The following KIF18B variants were observed in gnomAD, a reference collection of about 807,000 sequenced individuals.
KIF18B encodes kinesin-like protein KIF18B.
A neutral mutation model predicts 80.9 loss-of-function variants in KIF18B; 49 were observed. That is an observed-to-expected ratio of 0.61 (90% CI 0.48 to 0.77). KIF18B has a LOEUF of 0.77. Ranked by LOEUF, KIF18B falls within the 30% of genes least tolerant of loss-of-function variation. KIF18B has a pLI of 0.00. For synonymous variants in KIF18B, 439 were observed against 463.9 expected, an observed-to-expected ratio of 0.95 and a Z score of 0.69; for missense variants, 994 against 1,127.7, an observed-to-expected ratio of 0.88 and a Z score of 1.70.
chr17:44,935,906 C>G, intron 2 of KIF18B, 126 bp downstream of exon 2: 1 of 807,446 alleles, frequency 1.2e-6, no homozygotes, highest in Non-Finnish European at 2.0e-6. Flanking sequence ...GGACATTGTA[C>G]AAAACTCCTT....
chr17:44,945,192 C>T (rs1022738188), intron 1 of KIF18B, among the ~76,000 whole-genome samples: 1 of 152,202 alleles, frequency 6.6e-6, no homozygotes, highest in East Asian at 1.9e-4. Context: ...TCCTGAGTAG[C>T]TGGGAATCAC....
intron 1 of KIF18B, among the ~76,000 whole-genome samples, chr17:44,945,673 G>A (rs565136368): frequency 1.2e-4 from 19 of 152,148 alleles, no homozygotes; most frequent in Non-Finnish European, 2.2e-4. Context: ...GGGAGACCGA[G>A]GTGGGTGGAT....
At chr17:44,931,408 T>C (rs1437139686) in intron 11 of KIF18B, among the ~76,000 whole-genome samples, 194 bp downstream of exon 11, 2 of 152,222 alleles carry the variant, frequency 1.3e-5, no homozygotes, top group Admixed American at 6.5e-5. Context: ...CAGCCAGCTA[T>C]GTAGAGGAAT....
chr17:44,936,450 CA>C (rs2052295029), intron 1 of KIF18B, 92 bp from the exon 2 acceptor site: 3 of 1,033,754 alleles, frequency 2.9e-6, no homozygotes, highest in Non-Finnish European at 2.8e-6. Context: ...CACCCACTCC[CA>C]ATGACTGGTC....
rs1175562520 is a variant in KIF18B, at chr17:44,928,923, T to C, written c.1619A>G (p.Gln540Arg). 1.7e-5 allele frequency: 28 copies of C among 1,613,870 alleles called. No individual in the cohort carries two copies. The highest frequency in any genetic ancestry group is 2.7e-5 in the African/African-American group (2 of 74,914). Residue 540 changes from glutamine to arginine, a missense_variant, in exon 12 of 16, where the codon CAG (glutamine) becomes CGG (arginine). Transcript: ENST00000593135. ...PDMITEFETL[Q>R]QLVQEEKIEP... The stretch of plus-strand genomic sequence containing the variant: ...AATTTTTTCCTCTTGCACCAGCTGC[T>C]GTAGGGTCTCAAACTCTGTGATCAT...
chr17:44,932,560 G>C (rs986217774), intron 9 of KIF18B, 113 bp downstream of exon 9: 2 of 720,110 alleles, frequency 2.8e-6, no homozygotes, highest in Non-Finnish European at 4.9e-6. Flanking sequence ...CTTAACCCTA[G>C]GGATTGGAGC....
At chr17:44,926,302 G>T (rs1310442395) in intron 15 of KIF18B, 112 bp downstream of exon 15, 1 of 1,567,234 alleles carries the variant, frequency 6.4e-7, no homozygotes, top group Non-Finnish European at 8.6e-7. Context: ...TGAGATGCTT[G>T]GCAATACCCT....
chr17:44,937,522 T>A (rs1267129340), intron 1 of KIF18B, among the ~76,000 whole-genome samples: 3 of 152,212 alleles, frequency 2.0e-5, no homozygotes, highest in African/African-American at 7.2e-5. Flanking sequence ...CTCCCGTGGA[T>A]GGAACACTTT....
At chr17:44,946,634 T>G (rs934049860) in intron 1 of KIF18B, among the ~76,000 whole-genome samples, 1 of 152,194 alleles carries the variant, frequency 6.6e-6, no homozygotes, top group African/African-American at 2.4e-5. Flanking sequence ...ACATATGGCA[T>G]TTTCCCATGA....
At chr17:44,926,322 T>C in intron 15 of KIF18B, 92 bp downstream of exon 15, 1 of 1,556,592 alleles carries the variant, frequency 6.4e-7, no homozygotes, top group Non-Finnish European at 8.7e-7. Context: ...TAGGCCCTCC[T>C]TTCTTCTGGG....
chr17:44,935,168 C>G, intron 3 of KIF18B, 91 bp downstream of exon 3: 1 of 1,348,486 alleles, frequency 7.4e-7, no homozygotes. Flanking sequence ...CCATTTCCTG[C>G]CACCCTGTCC....
Position 44,931,664 on chromosome 17 carries a change from C to G in KIF18B, c.1455G>C (p.Leu485=). Residue 485 remains leucine (L), a synonymous_variant, in exon 11 of 16, where the codon CTG becomes CTC. Coordinates refer to ENST00000593135, the MANE Select transcript of KIF18B (RefSeq NM_001265577.2). ...HALPESPRLT[L]QPKPVVGHFS... ...AGTGGCCCACGACTGGCTTGGGCTG[C>G]AGGGTCAGGCGAGGGGACTCTGGCA... is the stretch of plus-strand genomic sequence containing the variant. The G allele has an allele frequency of 6.2e-7, 1 of 1,613,996 alleles. No individual in the cohort carries two copies. The highest frequency in any genetic ancestry group is 1.1e-5 in the South Asian group (1 of 91,088).
At chr17:44,936,616 ATATATATATTTTTTTTTTTTTTT>A (rs2052310936) in intron 1 of KIF18B, among the ~76,000 whole-genome samples, 2 of 79,786 alleles carry the variant, frequency 2.5e-5, no homozygotes, top group African/African-American at 1.0e-4. Flanking sequence ...ATATATATAT[ATATATATATTTTTTTTTTTTTTT>A]TTTTTTTTTT....
intron 1 of KIF18B, among the ~76,000 whole-genome samples, chr17:44,943,322 G>A (rs915430941): frequency 4.9e-4 from 74 of 151,872 alleles, no homozygotes; most frequent in Non-Finnish European, 9.4e-4. Context: ...GGATGGTCTC[G>A]ATCTCCTGAC....
At position 44,928,295 on chromosome 17, in the gene KIF18B, T is replaced by G; in HGVS notation, c.2007A>C (p.Ser669=). 1.2e-6 allele frequency: 2 copies of G among 1,613,226 alleles called. No homozygotes were observed. The highest frequency in any genetic ancestry group is 1.7e-6 in the Non-Finnish European group (2 of 1,179,760). The change falls in exon 13 of 16, where the codon TCA becomes TCC. Residue 669 remains serine, a synonymous_variant. Coordinates refer to ENST00000593135, the MANE Select transcript of KIF18B (RefSeq NM_001265577.2). Reference sequence around the variant, plus strand: ...CTCCTTTGGGGGTGCTGGGCCCCTGTGAAGGTTGGGTGTCAGGCAGAGACC... The same window carrying G: ...CTCCTTTGGGGGTGCTGGGCCCCTGGGAAGGTTGGGTGTCAGGCAGAGACC... ...RRGSLPDTQP[S]QGPSTPKGER... is the part of the protein sequence containing the mutation.
intron 15 of KIF18B, 49 bp downstream of exon 15, chr17:44,926,365 T>C (rs1414383365): frequency 6.4e-7 from 1 of 1,554,050 alleles, no homozygotes; most frequent in Admixed American, 2.0e-5. Flanking sequence ...CCTTCTTGTC[T>C]TCATCGGCCT....
Position 44,925,089 on chromosome 17 carries a change from G to A in KIF18B, c.*991C>T, listed in dbSNP as rs931120928. The A allele has an allele frequency of 2.0e-5, 3 of 152,152 alleles. No individual in the cohort carries two copies. Among genetic ancestry groups the A allele is most frequent in the Admixed American group, 1.3e-4 (2 of 15,278 alleles). The allele number at this position is 152,152 out of a possible 1,614,324, so 9.4% of individuals were successfully genotyped here. A position where few individuals can be genotyped will look rare whatever the true frequency, so the allele number is the denominator to read the frequency against. On this transcript the variant is annotated 3_prime_UTR_variant, in exon 16 of 16. Transcript: ENST00000593135. ...CTCTACTGCCTGTGGCCATCACCGT[G>A]GGGCCTGTGTTAGAGACAGGTGGGG...
Position 44,938,605 on chromosome 17 carries a change from TG to T in KIF18B, c.-14-2248del, listed in dbSNP as rs1040903186. 2.3e-4 allele frequency among the ~76,000 whole-genome samples: 35 copies of T among 152,146 alleles called. 1 individual carries two copies. The highest frequency in any genetic ancestry group is 8.2e-4 in the African/African-American group (34 of 41,536). ...GTTGTCATGGAGATGGAATTTTTTT[TG>T]TGTGTGTGAACTGTGTGAGGAAGTT... On this transcript the variant is annotated intron_variant, in intron 1 of 15. Coordinates refer to ENST00000593135, the MANE Select transcript of KIF18B (RefSeq NM_001265577.2).
Position 44,934,472 on chromosome 17 carries a change from G to A in KIF18B, c.687+35C>T. 6.2e-7 allele frequency: 1 copy of A among 1,605,618 alleles called. No individual in the cohort carries two copies. Among genetic ancestry groups the A allele is most frequent in the South Asian group, 1.1e-5 (1 of 89,934 alleles). On this transcript the variant is annotated intron_variant, in intron 5 of 15. Coordinates refer to ENST00000593135, the MANE Select transcript of KIF18B (RefSeq NM_001265577.2). This position sits in a 1 kb window ranked among gnomAD's most constrained non-coding sequence, Gnocchi z 5.4. ...GGGGTGAGGGGGAGATGGGCATCAG[G>A]GGCACTGGTTTCAGGCTCTGACCCA...
Sources: gnomAD v4.1 joint callset for allele counts (sites outside exome capture counted in the v4.1 genomes callset) on GRCh38, gnomAD v4.1.1 for gene constraint, Gnocchi (gnomAD v3.1) non-coding constraint, MANE v1.5 for transcripts, NCBI Gene and HGNC (gene_info 2026-07-23, HGNC 2026-07-21) for gene names.